RUFY4: variants seen among roughly 807,000 people sequenced by gnomAD.
RUFY4 encodes RUN and FYVE domain-containing protein 4.
In RUFY4, 73 loss-of-function variants were observed where a neutral mutation model predicts 69.0. The observed-to-expected ratio is 1.06, with a 90% CI of 0.88 to 1.29. The LOEUF (loss-of-function observed/expected upper bound fraction) is 1.29. Ranked by LOEUF, RUFY4 falls within the 50% of genes most tolerant of loss-of-function variation. RUFY4 has a pLI of 0.00. For synonymous variants in RUFY4, 287 were observed against 271.8 expected, an observed-to-expected ratio of 1.06 and a Z score of -0.55; for missense variants, 770 against 705.6, an observed-to-expected ratio of 1.09 and a Z score of -1.03.
exon 11 of RUFY4, chr2:218,090,090 C>T (rs545772210): frequency 2.2e-6 from 3 of 1,357,278 alleles, no homozygotes; most frequent in East Asian, 2.9e-5. Context: ...GGCCTCCCAC[C>T]TGCCTGCCCA....
At chr2:218,073,716 G>A in intron 5 of RUFY4, 100 bp from the exon 8 acceptor site, 1 of 1,293,708 alleles carries the variant, frequency 7.7e-7, no homozygotes, top group South Asian at 1.3e-5. Flanking sequence ...GAAGTGTCAT[G>A]GGATGAATGC....
intron 9 of RUFY4, among the ~76,000 whole-genome samples, chr2:218,086,734 G>GA (rs895706616): frequency 5.9e-5 from 9 of 151,842 alleles, no homozygotes; most frequent in Middle Eastern, 3.4e-3. Flanking sequence ...GAATTCAGGG[G>GA]AAAAAAAATA....
chr2:218,071,867 G>C (rs528072391), intron 2 of RUFY4, among the ~76,000 whole-genome samples: 57 of 152,074 alleles, frequency 3.7e-4, no homozygotes, highest in Non-Finnish European at 6.3e-4. Flanking sequence ...CCCACACACA[G>C]GCAGCATCTG....
upstream of RUFY4, chr2:218,070,388 G>A (rs1486088275): frequency 1.2e-5 from 7 of 607,692 alleles, no homozygotes; most frequent in African/African-American, 3.7e-5. Flanking sequence ...CTGCTCAATC[G>A]GTGGAGGCCA....
chr2:218,060,945 C>T (rs961817296), intron 3 of RUFY4: 8 of 872,074 alleles, frequency 9.2e-6, no homozygotes, highest in South Asian at 2.6e-5. Flanking sequence ...GACCAAGTGG[C>T]GCTGCTGGGT....
At chr2:218,035,272 AG>A (rs1958956553) in intron 1 of RUFY4, 1 of 152,058 alleles carries the variant, frequency 6.6e-6, no homozygotes, top group Admixed American at 6.5e-5. Context: ...GGCAGAGACG[AG>A]GGAGAGGAGG....
At chr2:218,049,756 C>T (rs1268829072) in intron 2 of RUFY4, among the ~76,000 whole-genome samples, 1 of 152,218 alleles carries the variant, frequency 6.6e-6, no homozygotes, top group East Asian at 1.9e-4. Context: ...GATCCACCCG[C>T]CTCAGCCTCC....
At chr2:218,072,746 C>A in intron 3 of RUFY4, 33 bp from the exon 6 acceptor site, 1 of 1,459,700 alleles carries the variant, frequency 6.9e-7, no homozygotes, top group South Asian at 1.4e-5. Flanking sequence ...TGTCCTAATA[C>A]TGCTCCCCAT....
chr2:218,087,458 TTACAGAACAGGAGTC>T (rs1479647344), intron 9 of RUFY4, among the ~76,000 whole-genome samples: 3 of 152,188 alleles, frequency 2.0e-5, no homozygotes, highest in Admixed American at 2.0e-4. Context: ...CATCATCATA[TTACAGAACAGGAGTC>T]ATAAGGATAC....
At chr2:218,040,119 T>C (rs935659130) in intron 2 of RUFY4, among the ~76,000 whole-genome samples, 1 of 152,060 alleles carries the variant, frequency 6.6e-6, no homozygotes, top group Non-Finnish European at 1.5e-5. Flanking sequence ...GGAAATAAAT[T>C]CAAGAAAAGG....
chr2:218,045,001 T>C (rs1688794044), intron 2 of RUFY4, among the ~76,000 whole-genome samples: 1 of 152,144 alleles, frequency 6.6e-6, no homozygotes, highest in East Asian at 1.9e-4. Flanking sequence ...TTTTTCGGTC[T>C]TTGAGGAATT....
chr2:218,063,003 C>T (rs1364538273), intron 3 of RUFY4, among the ~76,000 whole-genome samples: 3 of 152,224 alleles, frequency 2.0e-5, no homozygotes, highest in Non-Finnish European at 4.4e-5. Flanking sequence ...CCTGACTCCC[C>T]TGTTCTTCTC....
At chr2:218,078,990 C>A (rs1035348094) in intron 8 of RUFY4, among the ~76,000 whole-genome samples, 1 of 152,202 alleles carries the variant, frequency 6.6e-6, no homozygotes, top group African/African-American at 2.4e-5. Flanking sequence ...GCCTCAGCCT[C>A]CCGAGTAGCT....
chr2:218,060,856 G>C (rs764362054), intron 3 of RUFY4: 2 of 1,491,480 alleles, frequency 1.3e-6, no homozygotes, highest in Admixed American at 3.4e-5. Flanking sequence ...ACATTGGATG[G>C]GTAGAAGGTC....
At position 218,074,504 on chromosome 2, in the gene RUFY4, G is replaced by A. The variant is rs181071225; in HGVS notation, c.601-589G>A. 4.6e-5 allele frequency among the ~76,000 whole-genome samples: 7 copies of A among 152,080 alleles called. No homozygotes were observed. The East Asian group carries it at 1.2e-3, about 25-fold the overall frequency. The stretch of plus-strand genomic sequence containing the variant: ...ACCCCCACCAGCTTCCAGGCACTGG[G>A]TACAGATACTATTAGTTCTCTGGTC... On this transcript the variant is annotated intron_variant, in intron 6 of 10. Coordinates refer to ENST00000344321, the Ensembl canonical transcript of RUFY4.
chr2:218,038,743 C>T (rs1244607200), intron 2 of RUFY4, among the ~76,000 whole-genome samples: 1 of 152,140 alleles, frequency 6.6e-6, no homozygotes, highest in Non-Finnish European at 1.5e-5. Context: ...GGCTCAGTAA[C>T]TTCCAAGGCT....
intron 2 of RUFY4, among the ~76,000 whole-genome samples, chr2:218,045,905 C>T (rs1266849363): frequency 6.6e-6 from 1 of 151,846 alleles, no homozygotes; most frequent in Admixed American, 6.6e-5. Flanking sequence ...CCGGGGTTCG[C>T]GCCATTCTCC....
In RUFY4 at chr2:218,072,477, A is replaced by G. The variant is rs777991219; in HGVS notation, c.257A>G (p.His86Arg). Residue 86 changes from histidine to arginine, a missense_variant, in exon 3 of 11, where the codon CAC (histidine) becomes CGC (arginine). By Grantham distance (29) the His-to-Arg change is conservative (BLOSUM62 0). Coordinates refer to ENST00000344321, the Ensembl canonical transcript of RUFY4. ...CAGCGGGGAAACATGGAGCCAATCC[A>G]CTTTGTCCGTTCCCAGGACAAGGTA... 17 of 1,537,032 alleles carry G rather than the reference A, an allele frequency of 1.1e-5. No homozygotes were observed. The South Asian group carries it at 2.0e-4, about 18-fold the overall frequency.
At chr2:218,052,448 T>C (rs1688965610) in intron 2 of RUFY4, among the ~76,000 whole-genome samples, 1 of 152,214 alleles carries the variant, frequency 6.6e-6, no homozygotes. Context: ...ACTCCTAACC[T>C]TGGACATACT....
Sources: gnomAD v4.1 joint callset for allele counts (sites outside exome capture counted in the v4.1 genomes callset) on GRCh38, gnomAD v4.1.1 for gene constraint, MANE v1.5 for transcripts, NCBI Gene and HGNC (gene_info 2026-07-23, HGNC 2026-07-21) for gene names.